The following SAFB variants were observed in gnomAD, a reference collection of about 807,000 sequenced individuals.
SAFB encodes scaffold attachment factor B, also known as scaffold attachment factor B1.
In SAFB, 15 loss-of-function variants were observed where a neutral mutation model predicts 101.6. That is an observed-to-expected ratio of 0.15 (90% CI 0.10 to 0.23). The LOEUF (loss-of-function observed/expected upper bound fraction) is 0.23. Ranked by LOEUF, SAFB falls within the 10% of genes least tolerant of loss-of-function variation. SAFB has a pLI of 1.00. For synonymous variants in SAFB, 449 were observed against 407.5 expected (o/e 1.10, Z -1.23); for missense variants, 930 against 1,104.1 (o/e 0.84, Z 2.23).
In SAFB at chr19:5,667,910, C is replaced by G; in HGVS notation, c.2624+24C>G. On this transcript the variant is annotated intron_variant, in intron 20 of 20. Coordinates refer to ENST00000588852, the MANE Select transcript of SAFB (RefSeq NM_001201338.2). This position sits in a 1 kb window ranked among gnomAD's most constrained non-coding sequence, Gnocchi z 4.0. Reference sequence around the variant, plus strand: ...GGGTAAGGCATGCTGGGGGCGGCGCCCCTTCCCCCTGCTTTGCATATTGGC... The same window carrying G: ...GGGTAAGGCATGCTGGGGGCGGCGCGCCTTCCCCCTGCTTTGCATATTGGC... 6.3e-7 allele frequency: 1 copy of G among 1,579,780 alleles called. No homozygotes were observed. Among genetic ancestry groups the G allele is most frequent in the Non-Finnish European group, 8.6e-7 (1 of 1,163,224 alleles).
At chr19:5,627,374 G>A (rs529122124) in intron 2 of SAFB, among the ~76,000 whole-genome samples, 16 of 152,120 alleles carry the variant, frequency 1.1e-4, no homozygotes, top group African/African-American at 3.9e-4. Context: ...AGGCTAAGGC[G>A]GGAGGATCAT....
intron 5 of SAFB, among the ~76,000 whole-genome samples, chr19:5,647,260 C>T (rs1478624389): frequency 1.3e-5 from 2 of 152,178 alleles, no homozygotes; most frequent in African/African-American, 4.8e-5. Flanking sequence ...ATGTGGATGA[C>T]TTGGCTGGAC....
At chr19:5,665,445 G>A (rs1264930739) in intron 17 of SAFB, 1 of 152,002 alleles carries the variant, frequency 6.6e-6, no homozygotes, top group African/African-American at 2.4e-5. Flanking sequence ...GTGCGGTGGT[G>A]GGGGTTTACA....
rs370960910 is a variant in SAFB, at chr19:5,667,313, G to C, written c.2454-34G>C. On this transcript the variant is annotated intron_variant, in intron 18 of 20. Transcript: ENST00000588852. This position sits in a 1 kb window ranked among gnomAD's most constrained non-coding sequence, Gnocchi z 4.0. ...TTATTAGCACAAGAGCCAGAGATGG[G>C]GGCAATCCAAATCAGAGATGTCTCT... is the stretch of plus-strand genomic sequence containing the variant. The C allele has an allele frequency of 4.2e-6, 6 of 1,429,392 alleles. No homozygotes were observed. In the South Asian group the frequency reaches 7.1e-5, roughly 17 times the overall value. 88.5% of individuals were successfully genotyped at this position (1,429,392 alleles called of 1,614,324 possible). A position where few individuals can be genotyped will look rare whatever the true frequency, so the allele number is the denominator to read the frequency against.
intron 2 of SAFB, among the ~76,000 whole-genome samples, chr19:5,628,234 G>A (rs1021089522): frequency 4.6e-5 from 7 of 152,092 alleles, no homozygotes; most frequent in African/African-American, 1.7e-4. Flanking sequence ...CTGGGCGACC[G>A]CAAGACTCCA....
intron 8 of SAFB, 151 bp downstream of exon 8, chr19:5,650,126 A>G (rs1372615954): frequency 1.2e-5 from 8 of 648,978 alleles, no homozygotes; most frequent in South Asian, 5.5e-5. Context: ...TGTTACCGCT[A>G]CAGGTTCTGG....
At chr19:5,659,359 G>C (rs2054141754) in intron 14 of SAFB, among the ~76,000 whole-genome samples, 1 of 151,986 alleles carries the variant, frequency 6.6e-6, no homozygotes, top group South Asian at 2.1e-4. Flanking sequence ...GCACTGCTCT[G>C]CCTATAAAGT....
intron 14 of SAFB, among the ~76,000 whole-genome samples, chr19:5,659,211 G>A (rs1036593988): frequency 1.9e-4 from 28 of 149,502 alleles, no homozygotes; most frequent in Non-Finnish European, 3.9e-4. Context: ...AGGCTGAGGC[G>A]GGAGAATCGT....
intron 2 of SAFB, among the ~76,000 whole-genome samples, chr19:5,627,084 G>A (rs148495354): frequency 7.4e-4 from 112 of 152,004 alleles, no homozygotes; most frequent in African/African-American, 2.6e-3. Context: ...TTTTAGGAGG[G>A]GGATCACTTG....
In SAFB at chr19:5,623,119, C is replaced by G; in HGVS notation, c.-87C>G. ...GCGCTGGGGCGACTGGAGCGGTTCCCTCGCAGGCGGCGCCATTTTGTGCTA... is the reference window on the plus strand; with the variant it reads ...GCGCTGGGGCGACTGGAGCGGTTCCGTCGCAGGCGGCGCCATTTTGTGCTA... On this transcript the variant is annotated 5_prime_UTR_variant, in exon 1 of 21. Coordinates refer to ENST00000588852, the MANE Select transcript of SAFB (RefSeq NM_001201338.2). 1 of 1,373,172 alleles carries G rather than the reference C, an allele frequency of 7.3e-7. No homozygotes were observed. Among genetic ancestry groups the G allele is most frequent in the South Asian group, 1.3e-5 (1 of 77,994 alleles). 85.1% of individuals were successfully genotyped at this position (1,373,172 alleles called of 1,614,324 possible).
At chr19:5,638,714 CTTTTTT>C (rs758543978) in intron 2 of SAFB, among the ~76,000 whole-genome samples, 6 of 116,356 alleles carry the variant, frequency 5.2e-5, no homozygotes, top group East Asian at 2.5e-4. Context: ...TAATCTTAGT[CTTTTTT>C]TTTTTTTTTT....
chr19:5,667,920 T>C lies in SAFB; in HGVS notation c.2624+34T>C. The C allele has an allele frequency of 6.4e-7, 1 of 1,566,138 alleles. No homozygotes were observed. Among genetic ancestry groups the C allele is most frequent in the Non-Finnish European group, 8.7e-7 (1 of 1,154,036 alleles). On this transcript the variant is annotated intron_variant, in intron 20 of 20. Coordinates refer to ENST00000588852, the MANE Select transcript of SAFB (RefSeq NM_001201338.2). The surrounding 1 kb of genome is among the most constrained non-coding windows in gnomAD (Gnocchi z 4.0). The stretch of plus-strand genomic sequence containing the variant: ...TGCTGGGGGCGGCGCCCCTTCCCCC[T>C]GCTTTGCATATTGGCCTACCTTGCT...
intron 5 of SAFB, 33 bp from the exon 6 acceptor site, chr19:5,647,983 C>T (rs760000197): frequency 9.4e-6 from 15 of 1,595,572 alleles, no homozygotes; most frequent in Non-Finnish European, 1.3e-5. Context: ...TGTCATTCAT[C>T]TGGCACAGTC....
chr19:5,646,851 G>A (rs894627966), intron 5 of SAFB, among the ~76,000 whole-genome samples: 3 of 152,190 alleles, frequency 2.0e-5, no homozygotes, highest in Non-Finnish European at 2.9e-5. Flanking sequence ...TGGCCTGATG[G>A]TTAACAGTGC....
rs565715854 is a variant in SAFB at position 5,640,645 on chromosome 19, A to G, written c.275-949A>G. Among the ~76,000 whole-genome samples, 7 of 152,286 alleles carry G rather than the reference A, an allele frequency of 4.6e-5. No homozygotes were observed. In the South Asian group the frequency reaches 1.2e-3, roughly 27 times the overall value. Reference sequence around the variant, plus strand: ...TGCTCTGTCATCCAGGCTGGAGTGCAGCGGCACGATCTCAGCTCACTGCAA... The same window carrying G: ...TGCTCTGTCATCCAGGCTGGAGTGCGGCGGCACGATCTCAGCTCACTGCAA... On this transcript the variant is annotated intron_variant, in intron 2 of 20. Coordinates refer to ENST00000588852, the MANE Select transcript of SAFB (RefSeq NM_001201338.2).
chr19:5,663,279 G>A (rs181899731), intron 15 of SAFB, among the ~76,000 whole-genome samples: 11 of 152,326 alleles, frequency 7.2e-5, no homozygotes, highest in Admixed American at 6.5e-4. Context: ...GGGATTACAG[G>A]CATGAGCCAC....
intron 5 of SAFB, among the ~76,000 whole-genome samples, chr19:5,646,839 C>A (rs1388927318): frequency 6.6e-6 from 1 of 152,202 alleles, no homozygotes; most frequent in Non-Finnish European, 1.5e-5. Flanking sequence ...GCTCGTGGGG[C>A]CTGGCCTGAT....
At chr19:5,666,917 G>A (rs1023382289) in intron 17 of SAFB, 129 bp from the exon 18 acceptor site, 27 of 769,066 alleles carry the variant, frequency 3.5e-5, no homozygotes, top group Non-Finnish European at 6.5e-5. Flanking sequence ...TGTGTGAACC[G>A]ATACAGCCTG....
intron 15 of SAFB, among the ~76,000 whole-genome samples, chr19:5,662,214 T>C (rs2054227846): frequency 6.6e-6 from 1 of 151,930 alleles, no homozygotes; most frequent in Admixed American, 6.6e-5. Context: ...AAAGGAAGCA[T>C]AGGCCGGGTG....
Sources: allele counts gnomAD v4.1 joint callset (sites outside exome capture counted in the v4.1 genomes callset), GRCh38; gene constraint gnomAD v4.1.1; non-coding constraint Gnocchi (gnomAD v3.1); transcripts MANE v1.5; gene names NCBI Gene and HGNC (gene_info 2026-07-23, HGNC 2026-07-21).